PURG: variants seen among roughly 807,000 people sequenced by gnomAD.
PURG encodes purine-rich element-binding protein gamma.
A neutral mutation model predicts 24.3 loss-of-function variants in PURG; 3 were observed. The observed-to-expected ratio is 0.12, with a 90% CI of 0.06 to 0.32. PURG has a LOEUF of 0.32. Among genes scored for constraint, PURG ranks in the 10% least tolerant of loss-of-function variants. The pLI, the probability that PURG is intolerant of heterozygous loss-of-function variation, is 1.00. For synonymous variants in PURG, 180 were observed against 173.1 expected, an observed-to-expected ratio of 1.04 and a Z score of -0.31; for missense variants, 371 against 439.1, an observed-to-expected ratio of 0.84 and a Z score of 1.39.
Position 31,032,579 on chromosome 8 carries a change from C to G in PURG, c.204G>C (p.Gln68His). Reference protein sequence around the residue: ...QELASKRVDIQKKRFYLDVKQ... With the variant: ...QELASKRVDIHKKRFYLDVKQ... ...TCACGTCTAGGTAAAACCTCTTTTT[C>G]TGGATGTCCACTCGTTTGGAGGCCA... Residue 68 changes from glutamine to histidine, a missense_variant, in exon 2 of 2, where the codon CAG becomes CAC. Transcript: ENST00000523392. This position sits in a 1 kb window ranked among gnomAD's most constrained non-coding sequence, Gnocchi z 5.9. The G allele has an allele frequency of 6.2e-7, 1 of 1,612,642 alleles. No individual in the cohort carries two copies. Among genetic ancestry groups the G allele is most frequent in the Non-Finnish European group, 8.5e-7 (1 of 1,178,878 alleles).
downstream of PURG, among the ~76,000 whole-genome samples, chr8:31,029,305 T>C (rs570866405): frequency 1.3e-5 from 2 of 151,946 alleles, no homozygotes; most frequent in East Asian, 3.9e-4. Flanking sequence ...CTATTTAATC[T>C]GCAGCTTTGA....
intron 1 of PURG, among the ~76,000 whole-genome samples, chr8:31,014,933 A>G (rs934884139): frequency 6.6e-6 from 1 of 152,192 alleles, no homozygotes; most frequent in Non-Finnish European, 1.5e-5. Context: ...AGGATAAAAT[A>G]CCTTCACTCA....
intron 1 of PURG, among the ~76,000 whole-genome samples, chr8:31,001,683 A>C (rs1403243704): frequency 6.6e-6 from 1 of 152,168 alleles, no homozygotes; most frequent in African/African-American, 2.4e-5. Context: ...AAACAGAACA[A>C]AGAACTTCAC....
intron 1 of PURG, among the ~76,000 whole-genome samples, chr8:31,014,718 T>G (rs980883748): frequency 1.3e-5 from 2 of 152,216 alleles, no homozygotes; most frequent in East Asian, 1.9e-4. Context: ...CGTTATAAAG[T>G]GTTATGGTAA....
chr8:31,020,603 G>C (rs1281689951), intron 1 of PURG, among the ~76,000 whole-genome samples: 1 of 152,082 alleles, frequency 6.6e-6, no homozygotes, highest in African/African-American at 2.4e-5. Context: ...AAAAATGAGA[G>C]GGAATCAGAA....
rs1423804043 is a variant in PURG, at chr8:31,031,989, G to A, written c.794C>T (p.Thr265Ile). 6.2e-7 allele frequency: 1 copy of A among 1,614,170 alleles called. No homozygotes were observed. Among genetic ancestry groups the A allele is most frequent in the Non-Finnish European group, 8.5e-7 (1 of 1,180,038 alleles). Reference protein sequence around the residue: ...DDDPLELPEGTSFRVDNKRFY... With the variant: ...DDDPLELPEGISFRVDNKRFY... The stretch of plus-strand genomic sequence containing the variant: ...CCTTTTATTGTCCACTCTGAAAGAA[G>A]TCCCCTCTGGGAGTTCAAGCGGGTC... Residue 265 changes from threonine (T) to isoleucine (I), a missense_variant, in exon 2 of 2, where the codon ACT becomes ATT. Physicochemically the swap from Thr to Ile is moderately conservative, Grantham distance 89 (BLOSUM62 -1). Transcript: ENST00000523392.
intron 1 of PURG, among the ~76,000 whole-genome samples, chr8:31,007,879 A>G (rs1810685551): frequency 6.6e-6 from 1 of 152,224 alleles, no homozygotes; most frequent in Admixed American, 6.5e-5. Context: ...TCCTCCAGGA[A>G]TAAATCTATG....
downstream of PURG, among the ~76,000 whole-genome samples, chr8:31,026,400 T>C (rs1322137773): frequency 6.6e-6 from 1 of 151,606 alleles, no homozygotes; most frequent in African/African-American, 2.4e-5. Context: ...ACTGAATATT[T>C]GTATATTTAA....
rs569223819 is a variant in PURG at position 31,032,839 on chromosome 8, A to C, written c.-6-51T>G. Reference sequence around the variant, plus strand: ...GATGGGGTGGGGGAGGGGTGTTGAGAACAATCGCAGACGCCCCTCGGCCTG... The same window carrying C: ...GATGGGGTGGGGGAGGGGTGTTGAGCACAATCGCAGACGCCCCTCGGCCTG... On this transcript the variant is annotated intron_variant, in intron 1 of 1. Coordinates refer to ENST00000523392, the MANE Select transcript of PURG (RefSeq NM_001323311.2). The surrounding 1 kb of genome is among the most constrained non-coding windows in gnomAD (Gnocchi z 5.9). 9.6e-5 allele frequency: 121 copies of C among 1,261,820 alleles called. 2 individuals carry two copies. The South Asian group carries it at 3.5e-3, about 36-fold the overall frequency. 78.2% of individuals were successfully genotyped at this position (1,261,820 alleles called of 1,614,324 possible).
chr8:31,012,162 C>T (rs991233964), intron 1 of PURG, among the ~76,000 whole-genome samples: 1 of 152,138 alleles, frequency 6.6e-6, no homozygotes, highest in Non-Finnish European at 1.5e-5. Flanking sequence ...AAGAAACTGT[C>T]TCTGCTTTTA....
At chr8:31,021,925 A>G (rs1810999592) in intron 1 of PURG, among the ~76,000 whole-genome samples, 3 of 151,902 alleles carry the variant, frequency 2.0e-5, no homozygotes. Context: ...CTGCTCTTTT[A>G]AAATGGTCAT....
rs896004805 is a variant in PURG at position 31,031,763 on chromosome 8, A to T, written c.1020T>A (p.Gly340=). The T allele has an allele frequency of 9.0e-6, 14 of 1,550,490 alleles. No homozygotes were observed. The highest frequency in any genetic ancestry group is 1.2e-5 in the Non-Finnish European group (14 of 1,146,578). ...TCTAGTCGAGGCATTCTTGTTCTTC[A>T]CCACTGGCCTTTCTGCCATCCATTC... ...EKRMDGRKAS[G]EEQECLD is the part of the protein sequence containing the mutation. The change falls in exon 2 of 2, where the codon GGT becomes GGA. Residue 340 remains glycine, a synonymous_variant. Transcript: ENST00000523392.
chr8:30,999,505 G>A (rs1293316629), intron 1 of PURG, among the ~76,000 whole-genome samples: 1 of 151,730 alleles, frequency 6.6e-6, no homozygotes, highest in Non-Finnish European at 1.5e-5. Flanking sequence ...AGAAAAACAG[G>A]AATTACCAGT....
chr8:31,007,634 T>A (rs759229314), intron 1 of PURG, among the ~76,000 whole-genome samples: 5 of 152,144 alleles, frequency 3.3e-5, no homozygotes, highest in Non-Finnish European at 5.9e-5. Context: ...GATGTCAAAG[T>A]CATACAAATA....
At chr8:31,017,745 A>G (rs1326204157) in intron 1 of PURG, among the ~76,000 whole-genome samples, 2 of 152,188 alleles carry the variant, frequency 1.3e-5, no homozygotes, top group Non-Finnish European at 2.9e-5. Flanking sequence ...CTTACTTGGA[A>G]ACTTGTTGTC....
At chr8:31,016,001 T>C (rs1182596678) in intron 1 of PURG, among the ~76,000 whole-genome samples, 1 of 152,108 alleles carries the variant, frequency 6.6e-6, no homozygotes, top group East Asian at 1.9e-4. Flanking sequence ...TGCAGTGAGC[T>C]GTGATTGGGT....
intron 1 of PURG, among the ~76,000 whole-genome samples, chr8:31,025,553 T>A (rs1393384658): frequency 2.6e-5 from 4 of 151,986 alleles, no homozygotes; most frequent in South Asian, 2.1e-4. Flanking sequence ...CCCACATTTT[T>A]AAAGATATTT....
At chr8:31,024,720 A>G (rs1425118397) in intron 1 of PURG, among the ~76,000 whole-genome samples, 3 of 152,134 alleles carry the variant, frequency 2.0e-5, no homozygotes, top group African/African-American at 7.2e-5. Context: ...TTTTGAATAT[A>G]AAAGTTTCTG....
At chr8:30,999,831 C>A (rs768221484) in intron 1 of PURG, among the ~76,000 whole-genome samples, 16 of 152,030 alleles carry the variant, frequency 1.1e-4, no homozygotes, top group Middle Eastern at 3.4e-3. Flanking sequence ...AACTAAGAGA[C>A]TTTGTGATTA....
Sources: allele counts gnomAD v4.1 joint callset (sites outside exome capture counted in the v4.1 genomes callset), GRCh38; gene constraint gnomAD v4.1.1; non-coding constraint Gnocchi (gnomAD v3.1); transcripts MANE v1.5; gene names NCBI Gene and HGNC (gene_info 2026-07-23, HGNC 2026-07-21).